UBE3D: variants seen among roughly 807,000 people sequenced by gnomAD.
The protein encoded by UBE3D is ubiquitin protein ligase E3D.
UBE3D carries 48 observed loss-of-function variants against 49.6 expected under a neutral mutation model. The ratio of observed to expected loss-of-function variants is 0.97; its 90% CI spans 0.77 to 1.23. UBE3D has a LOEUF of 1.23. UBE3D is among the 50% of genes most tolerant of loss of function. The probability of loss-of-function intolerance (pLI) is 0.00; values close to 1 mark genes in which losing one functional copy is unlikely to be tolerated. For synonymous variants in UBE3D, 189 were observed against 174.2 expected, an observed-to-expected ratio of 1.08 and a Z score of -0.67; for missense variants, 452 against 468.4, an observed-to-expected ratio of 0.96 and a Z score of 0.32.
intron 5 of UBE3D, chr6:83,032,229 G>C: frequency 2.2e-6 from 1 of 456,170 alleles, no homozygotes; most frequent in South Asian, 1.5e-5. Flanking sequence ...AAAGAAGCTG[G>C]GTGGGGCCGT....
intron 9 of UBE3D, among the ~76,000 whole-genome samples, chr6:82,949,733 T>C (rs1775653456): frequency 6.6e-6 from 1 of 151,896 alleles, no homozygotes; most frequent in African/African-American, 2.4e-5. Context: ...AACTCATTTT[T>C]TACAAAAGTG....
intron 9 of UBE3D, among the ~76,000 whole-genome samples, chr6:82,920,139 G>T (rs1173257883): frequency 1.3e-5 from 2 of 152,176 alleles, no homozygotes; most frequent in Non-Finnish European, 2.9e-5. Context: ...CCACACAGTT[G>T]ACTGAAGCTG....
At chr6:82,950,982 G>A (rs745585544) in intron 9 of UBE3D, among the ~76,000 whole-genome samples, 1 of 151,466 alleles carries the variant, frequency 6.6e-6, no homozygotes, top group Non-Finnish European at 1.5e-5. Context: ...GATGAGGGAA[G>A]TGGGGATGAC....
At chr6:82,917,179 C>A (rs1772979371) in intron 9 of UBE3D, among the ~76,000 whole-genome samples, 1 of 152,084 alleles carries the variant, frequency 6.6e-6, no homozygotes, top group African/African-American at 2.4e-5. Context: ...TTAATTTGCA[C>A]TCTCCTGAGA....
At chr6:82,895,267 C>T (rs903731289) in intron 9 of UBE3D, among the ~76,000 whole-genome samples, 5 of 152,134 alleles carry the variant, frequency 3.3e-5, no homozygotes, top group South Asian at 2.1e-4. Context: ...GCCGAGATCA[C>T]GCTACTGCAC....
chr6:82,944,505 C>T (rs952666720), intron 9 of UBE3D, among the ~76,000 whole-genome samples: 5 of 152,168 alleles, frequency 3.3e-5, no homozygotes, highest in African/African-American at 1.2e-4. Flanking sequence ...CTGAGAGTTG[C>T]TGACTTCAGC....
At chr6:83,010,958 T>C (rs368583250) in intron 8 of UBE3D, among the ~76,000 whole-genome samples, 13 of 152,252 alleles carry the variant, frequency 8.5e-5, no homozygotes, top group African/African-American at 3.1e-4. Flanking sequence ...AGTTTATACT[T>C]AGTATTAACC....
chr6:82,914,999 G>A (rs929870955), intron 9 of UBE3D, among the ~76,000 whole-genome samples: 1 of 152,174 alleles, frequency 6.6e-6, no homozygotes, highest in African/African-American at 2.4e-5. Flanking sequence ...GAAACCCTGA[G>A]TGGATTGCCC....
intron 8 of UBE3D, among the ~76,000 whole-genome samples, chr6:82,979,918 A>G (rs1241493842): frequency 6.6e-6 from 1 of 152,132 alleles, no homozygotes; most frequent in African/African-American, 2.4e-5. Flanking sequence ...TGCAAAAGAC[A>G]TGATTTCATT....
chr6:82,903,597 T>C (rs1771890779), intron 9 of UBE3D, among the ~76,000 whole-genome samples: 1 of 152,172 alleles, frequency 6.6e-6, no homozygotes. Context: ...GGAATCAAAA[T>C]GTAACCAGGT....
chr6:82,985,004 TCTTC>T (rs1267379278), intron 8 of UBE3D, among the ~76,000 whole-genome samples: 1 of 106,138 alleles, frequency 9.4e-6, no homozygotes, highest in East Asian at 2.8e-4. Context: ...TTCTTCTTCT[TCTTC>T]TTTTTTTTTT....
chr6:82,984,090 T>G (rs1235646739), intron 8 of UBE3D, among the ~76,000 whole-genome samples: 1 of 152,202 alleles, frequency 6.6e-6, no homozygotes, highest in Non-Finnish European at 1.5e-5. Context: ...TCTTCCTTCC[T>G]TTATAAATAA....
At chr6:82,903,509 A>G (rs1771883962) in intron 9 of UBE3D, among the ~76,000 whole-genome samples, 1 of 152,176 alleles carries the variant, frequency 6.6e-6, no homozygotes, top group African/African-American at 2.4e-5. Flanking sequence ...GATACGTCAC[A>G]GTAGCATAGT....
downstream of UBE3D, among the ~76,000 whole-genome samples, chr6:82,888,805 T>A (rs1238116812): frequency 7.0e-6 from 1 of 142,428 alleles, no homozygotes; most frequent in Admixed American, 7.4e-5. Flanking sequence ...TTTTTAAAAA[T>A]GTTGTTTTGA....
the UBE3D span, among the ~76,000 whole-genome samples, chr6:82,887,320 C>CA: frequency 0.053 from 3,550 of 66,574 alleles, 71 homozygotes; most frequent in Non-Finnish European, 0.076. Flanking sequence ...AAGACTGTCT[C>CA]AAAAAAAAAA....
chr6:83,013,478 T>C (rs986311136), intron 8 of UBE3D, among the ~76,000 whole-genome samples: 2 of 152,208 alleles, frequency 1.3e-5, no homozygotes, highest in African/African-American at 4.8e-5. Context: ...GCAGCTTGCA[T>C]AGCAGCCTGG....
intron 9 of UBE3D, among the ~76,000 whole-genome samples, chr6:82,940,973 G>A (rs976832797): frequency 6.6e-6 from 1 of 152,180 alleles, no homozygotes; most frequent in Non-Finnish European, 1.5e-5. Context: ...AGCAATTTGG[G>A]AGGCCGAGGC....
chr6:83,011,193 A>C lies in UBE3D; in HGVS notation c.1010+7780T>G, dbSNP rs144920135. Reference sequence around the variant, plus strand: ...CTTTATCTCACATGATAAAGGAAAAAGGAAATAAGATGAAGATATTTTCTT... The same window carrying C: ...CTTTATCTCACATGATAAAGGAAAACGGAAATAAGATGAAGATATTTTCTT... On this transcript the variant is annotated intron_variant, in intron 8 of 9. Coordinates refer to ENST00000369747, the MANE Select transcript of UBE3D (RefSeq NM_198920.3). 6.1e-4 allele frequency among the ~76,000 whole-genome samples: 93 copies of C among 152,364 alleles called. 2 individuals are homozygous for C. In the East Asian group the frequency reaches 0.016, roughly 26 times the overall value.
chr6:83,038,717 G>T (rs113650163), intron 4 of UBE3D, among the ~76,000 whole-genome samples: 27 of 152,256 alleles, frequency 1.8e-4, no homozygotes, highest in African/African-American at 6.5e-4. Context: ...GCCACTTCTT[G>T]ATAGTCCAAA....
Sources: allele counts gnomAD v4.1 joint callset (sites outside exome capture counted in the v4.1 genomes callset), GRCh38; gene constraint gnomAD v4.1.1; transcripts MANE v1.5; gene names NCBI Gene and HGNC (gene_info 2026-07-23, HGNC 2026-07-21).